Variants in CMIP observed in about 807,000 individuals in gnomAD.
CMIP encodes c-Maf inducing protein.
In CMIP, 13 loss-of-function variants were observed where a neutral mutation model predicts 97.3. The observed-to-expected ratio is 0.13, with a 90% confidence interval of 0.09 to 0.21. CMIP has a LOEUF of 0.21. CMIP is among the 10% of genes least tolerant of loss of function. CMIP has a pLI of 1.00. For synonymous variants in CMIP, 538 were observed against 436.3 expected (o/e 1.23, Z -2.91); for missense variants, 847 against 1,024.9 (o/e 0.83, Z 2.37).
At position 81,445,608 on chromosome 16, in the gene CMIP, C is replaced by A. The variant is rs1304903232; in HGVS notation, c.300+67C>A. On this transcript the variant is annotated intron_variant, in intron 1 of 20. Transcript: ENST00000537098. ...GCCCGAGATGCGCCCTCCCTGGCTGCCCCCTGGCGCTGCACCTGGAGCCCA... is the reference window on the plus strand; with the variant it reads ...GCCCGAGATGCGCCCTCCCTGGCTGACCCCTGGCGCTGCACCTGGAGCCCA... The A allele has an allele frequency of 2.7e-6, 4 of 1,476,918 alleles. No individual in the cohort carries two copies. The African/African-American group carries it at 4.2e-5, about 15-fold the overall frequency. 91.5% of individuals were successfully genotyped at this position (1,476,918 alleles called of 1,614,324 possible). A position where few individuals can be genotyped will look rare whatever the true frequency, so the allele number is the denominator to read the frequency against.
intron 1 of CMIP, among the ~76,000 whole-genome samples, chr16:81,573,389 G>A (rs930390389): frequency 1.3e-5 from 2 of 151,838 alleles, no homozygotes; most frequent in Non-Finnish European, 1.5e-5. Flanking sequence ...AATAGGAGCT[G>A]TCAGAATGTG....
At chr16:81,666,342 T>G (rs1042449460) in intron 7 of CMIP, 9 of 152,282 alleles carry the variant, frequency 5.9e-5, no homozygotes, top group Non-Finnish European at 1.0e-4. Flanking sequence ...TTCAGGCACA[T>G]AAACATTTTT....
intron 1 of CMIP, among the ~76,000 whole-genome samples, chr16:81,548,554 C>G (rs1424406430): frequency 6.6e-6 from 1 of 152,002 alleles, no homozygotes; most frequent in African/African-American, 2.4e-5. Flanking sequence ...CCAAAAATGT[C>G]TCCAGGCCAC....
chr16:81,661,275 G>A (rs1374616993), intron 6 of CMIP, among the ~76,000 whole-genome samples: 5 of 152,256 alleles, frequency 3.3e-5, no homozygotes, highest in African/African-American at 9.6e-5. Context: ...CCTCTGCGCA[G>A]TGGCTGGCCC....
chr16:81,446,533 G>A (rs1435209751), intron 1 of CMIP, among the ~76,000 whole-genome samples: 1 of 152,008 alleles, frequency 6.6e-6, no homozygotes, highest in Non-Finnish European at 1.5e-5. Context: ...GAGGCTTGCC[G>A]TGGGGGTCCC....
chr16:81,641,874 G>A (rs796492384), intron 3 of CMIP, among the ~76,000 whole-genome samples: 13 of 152,308 alleles, frequency 8.5e-5, no homozygotes, highest in Non-Finnish European at 1.3e-4. Flanking sequence ...TTTGCCTCTC[G>A]GAGTGGCATG....
In CMIP at chr16:81,444,965, C is replaced by A. The variant is rs1905732479; in HGVS notation, c.-277C>A. ...GCCCTCGGCCTCCCCCGCCCCTCCC[C>A]GTCGCCCGCCGAGCCCGGTCAGCCG... On this transcript the variant is annotated 5_prime_UTR_variant, in exon 1 of 21. Transcript: ENST00000537098. 7.0e-6 allele frequency among the ~76,000 whole-genome samples: 1 copy of A among 142,294 alleles called. No individual in the cohort carries two copies. Among genetic ancestry groups the A allele is most frequent in the Non-Finnish European group, 1.6e-5 (1 of 64,204 alleles). 93.4% of individuals were successfully genotyped at this position (142,294 alleles called of 152,430 possible).
rs1490592967 is a variant in CMIP at position 81,710,883 on chromosome 16, A to G, written c.*1084A>G. On this transcript the variant is annotated 3_prime_UTR_variant, in exon 21 of 21. Coordinates refer to ENST00000537098, the MANE Select transcript of CMIP (RefSeq NM_198390.3). Reference sequence around the variant, plus strand: ...TCAGCCTTTGCTGTCCCCTGTCCCCAACGGAGACTCTGTCACCCCTGGGCT... The same window carrying G: ...TCAGCCTTTGCTGTCCCCTGTCCCCGACGGAGACTCTGTCACCCCTGGGCT... 6.6e-6 allele frequency: 1 copy of G among 151,406 alleles called. No individual in the cohort carries two copies. Among genetic ancestry groups the G allele is most frequent in the Non-Finnish European group, 1.5e-5 (1 of 67,912 alleles). The allele number at this position is 151,406 out of a possible 1,614,324, so 9.4% of individuals were successfully genotyped here. A position where few individuals can be genotyped will look rare whatever the true frequency, so the allele number is the denominator to read the frequency against.
chr16:81,634,924 C>G (rs1041064239), intron 3 of CMIP, among the ~76,000 whole-genome samples: 2 of 152,202 alleles, frequency 1.3e-5, no homozygotes, highest in African/African-American at 4.8e-5. Context: ...ATGCTACCGT[C>G]TTGAGGCCTG....
At chr16:81,618,164 T>C (rs758525804) in intron 2 of CMIP, among the ~76,000 whole-genome samples, 3 of 152,174 alleles carry the variant, frequency 2.0e-5, no homozygotes, top group Non-Finnish European at 4.4e-5. Flanking sequence ...TTTAGTCTCT[T>C]ATGGTTCTGG....
intron 1 of CMIP, among the ~76,000 whole-genome samples, chr16:81,498,755 G>A (rs887703692): frequency 1.3e-5 from 2 of 152,106 alleles, no homozygotes; most frequent in Non-Finnish European, 2.9e-5. Flanking sequence ...CAGTCCACAC[G>A]TTTGCAAACG....
At chr16:81,666,555 C>G (rs530255083) in intron 7 of CMIP, 10 of 151,942 alleles carry the variant, frequency 6.6e-5, no homozygotes, top group Non-Finnish European at 1.2e-4. Context: ...CTGGGCAGAC[C>G]CAGAATTTAT....
intron 7 of CMIP, among the ~76,000 whole-genome samples, 184 bp from the exon 8 acceptor site, chr16:81,669,958 G>A (rs1274683965): frequency 1.3e-5 from 2 of 152,198 alleles, no homozygotes; most frequent in South Asian, 2.1e-4. Context: ...CGCGGGTGTC[G>A]CAGTGCTATT....
chr16:81,609,325 G>A (rs554793913), intron 2 of CMIP, among the ~76,000 whole-genome samples: 24 of 152,286 alleles, frequency 1.6e-4, no homozygotes, highest in Admixed American at 1.2e-3. Context: ...TTGCCCATCC[G>A]ATGGCTGCAG....
intron 1 of CMIP, among the ~76,000 whole-genome samples, chr16:81,564,443 A>G (rs923534145): frequency 1.1e-4 from 17 of 152,380 alleles, no homozygotes; most frequent in Admixed American, 4.6e-4. Flanking sequence ...AAGCTATTAC[A>G]GAGGAATCTA....
intron 1 of CMIP, among the ~76,000 whole-genome samples, chr16:81,547,658 C>T (rs888323582): frequency 3.3e-5 from 5 of 152,018 alleles, no homozygotes; most frequent in Non-Finnish European, 5.9e-5. Context: ...TCCTCAGAAG[C>T]CTGCAGGGTC....
chr16:81,479,265 G>T (rs543075536), intron 1 of CMIP, among the ~76,000 whole-genome samples: 1 of 152,220 alleles, frequency 6.6e-6, no homozygotes, highest in Non-Finnish European at 1.5e-5. Flanking sequence ...CCTATGGTAA[G>T]GAGGTGGGGG....
At chr16:81,543,934 C>T (rs146995747) in intron 1 of CMIP, among the ~76,000 whole-genome samples, 41 of 152,324 alleles carry the variant, frequency 2.7e-4, no homozygotes, top group African/African-American at 8.2e-4. Flanking sequence ...ATCGTATTAT[C>T]GGGAAAAGGT....
chr16:81,524,795 T>TTC (rs2090096843), intron 1 of CMIP, among the ~76,000 whole-genome samples: 1 of 150,706 alleles, frequency 6.6e-6, no homozygotes, highest in Non-Finnish European at 1.5e-5. Flanking sequence ...TTTCTTTTCT[T>TTC]TCTTTTTTTT....
Sources: gnomAD v4.1 joint callset for allele counts (sites outside exome capture counted in the v4.1 genomes callset) on GRCh38, gnomAD v4.1.1 for gene constraint, MANE v1.5 for transcripts, NCBI Gene and HGNC (gene_info 2026-07-23, HGNC 2026-07-21) for gene names.